GALNT13: variants seen among roughly 807,000 people sequenced by gnomAD.
GALNT13 encodes the protein UDP-GalNAc:polypeptide N-acetylgalactosaminyltransferase 13.
In GALNT13, 28 loss-of-function variants were observed where a neutral mutation model predicts 64.2. That is an observed-to-expected ratio of 0.44 (90% CI 0.32 to 0.60). GALNT13 has a LOEUF of 0.60. Among genes scored for constraint, GALNT13 ranks in the 20% least tolerant of loss-of-function variants. The pLI is 0.05. For missense variants in GALNT13, 577 were observed against 669.8 expected (o/e 0.86, Z 1.53); for synonymous variants, 214 against 224.6 (o/e 0.95, Z 0.42).
the GALNT13 span, among the ~76,000 whole-genome samples, chr2:153,343,675 G>A: frequency 6.6e-6 from 1 of 151,946 alleles, no homozygotes; most frequent in East Asian, 1.9e-4. Flanking sequence ...CATTTCCTCT[G>A]GGGAGCCTTC....
chr2:153,919,579 T>C (rs1411270816), intron 2 of GALNT13, among the ~76,000 whole-genome samples: 3 of 151,974 alleles, frequency 2.0e-5, no homozygotes, highest in African/African-American at 7.2e-5. Flanking sequence ...GCAAGGTGTC[T>C]CAAGCACCTA....
At chr2:154,177,284 A>G (rs1171893863) in intron 4 of GALNT13, among the ~76,000 whole-genome samples, 1 of 151,232 alleles carries the variant, frequency 6.6e-6, no homozygotes, top group Non-Finnish European at 1.5e-5. Flanking sequence ...ATATTGCTAA[A>G]TTAAAGAAGA....
At chr2:154,276,047 A>G (rs1852603) in intron 8 of GALNT13, among the ~76,000 whole-genome samples, 151,499 of 152,238 alleles carry the variant, frequency 1, 75,384 homozygotes, top group Middle Eastern at 1. Flanking sequence ...TGGAATGGGT[A>G]TATTTACCCA....
At chr2:154,287,170 A>T in intron 8 of GALNT13, 1 of 1,479,652 alleles carries the variant, frequency 6.8e-7, no homozygotes, top group Non-Finnish European at 9.3e-7. Flanking sequence ...AAGCCAAACA[A>T]TTGGCTCAGC....
chr2:153,629,093 G>T, the GALNT13 span, among the ~76,000 whole-genome samples: 1 of 152,178 alleles, frequency 6.6e-6, no homozygotes, highest in South Asian at 2.1e-4. Flanking sequence ...ATGTGTCGAG[G>T]AATTTATCCA....
the GALNT13 span, among the ~76,000 whole-genome samples, chr2:153,330,014 C>G: frequency 6.6e-6 from 1 of 152,208 alleles, no homozygotes; most frequent in Admixed American, 6.5e-5. Flanking sequence ...GCTATCCCAG[C>G]ACCATTTATT....
At chr2:153,803,293 GC>G in the GALNT13 span, among the ~76,000 whole-genome samples, 1 of 152,090 alleles carries the variant, frequency 6.6e-6, no homozygotes, top group Admixed American at 6.6e-5. Context: ...TGAAGCCCTA[GC>G]CCCCAATATA....
chr2:154,038,643 C>T (rs1339806304), intron 3 of GALNT13, among the ~76,000 whole-genome samples: 1 of 151,946 alleles, frequency 6.6e-6, no homozygotes, highest in East Asian at 1.9e-4. Flanking sequence ...AATGTAAGGC[C>T]TGAAAATATA....
At chr2:153,867,723 G>T (rs1034869576), upstream of GALNT13, among the ~76,000 whole-genome samples, 1 of 151,750 alleles carries the variant, frequency 6.6e-6, no homozygotes, top group African/African-American at 2.4e-5. Flanking sequence ...TCCCATCTGG[G>T]GGTGATGGGA....
chr2:153,496,479 G>GA, the GALNT13 span, among the ~76,000 whole-genome samples: 1 of 152,036 alleles, frequency 6.6e-6, no homozygotes, highest in East Asian at 1.9e-4. Context: ...TTACAAAAAG[G>GA]AAAAATCAAA....
chr2:153,719,651 A>G, the GALNT13 span, among the ~76,000 whole-genome samples: 1 of 152,172 alleles, frequency 6.6e-6, no homozygotes, highest in Admixed American at 6.5e-5. Context: ...TCACCTGGGA[A>G]GTGCAAGGGG....
At chr2:154,378,937 T>C (rs1698130969) in intron 9 of GALNT13, among the ~76,000 whole-genome samples, 1 of 152,124 alleles carries the variant, frequency 6.6e-6, no homozygotes, top group African/African-American at 2.4e-5. Flanking sequence ...CTCTTCTCTC[T>C]TCATTTAAAA....
intron 4 of GALNT13, among the ~76,000 whole-genome samples, chr2:154,227,585 G>GT (rs780861406): frequency 4.0e-5 from 6 of 149,232 alleles, no homozygotes; most frequent in Non-Finnish European, 7.4e-5. Context: ...GCGGTGTTTG[G>GT]TTTTTTGTCC....
At chr2:154,253,488 T>C (rs1690200061) in intron 7 of GALNT13, among the ~76,000 whole-genome samples, 1 of 152,204 alleles carries the variant, frequency 6.6e-6, no homozygotes, top group South Asian at 2.1e-4. Context: ...CAAAGCTTCA[T>C]ATCTTAAATT....
chr2:153,867,299 G>A (rs938043781), upstream of GALNT13, among the ~76,000 whole-genome samples: 8 of 152,002 alleles, frequency 5.3e-5, no homozygotes, highest in East Asian at 3.9e-4. Flanking sequence ...ATCTAATTAC[G>A]GGCCCTAGCA....
the GALNT13 span, among the ~76,000 whole-genome samples, chr2:153,214,474 C>G: frequency 1.3e-5 from 2 of 151,948 alleles, no homozygotes; most frequent in African/African-American, 4.8e-5. Flanking sequence ...TACCCACTCT[C>G]TATAAAATCA....
chr2:154,434,513 C>G (rs548950947), intron 11 of GALNT13, among the ~76,000 whole-genome samples: 1 of 152,226 alleles, frequency 6.6e-6, no homozygotes, highest in Non-Finnish European at 1.5e-5. Context: ...TGCGCCTGGG[C>G]CTCCCAAACT....
chr2:154,240,801 C>G (rs1157167493), intron 4 of GALNT13, among the ~76,000 whole-genome samples: 1 of 152,122 alleles, frequency 6.6e-6, no homozygotes, highest in African/African-American at 2.4e-5. Context: ...CTTGGTGTAC[C>G]GGAAGAGTCA....
intron 3 of GALNT13, among the ~76,000 whole-genome samples, chr2:154,038,097 C>T (rs1698768774): frequency 6.6e-6 from 1 of 151,954 alleles, no homozygotes; most frequent in Non-Finnish European, 1.5e-5. Flanking sequence ...CATATTTGTG[C>T]CACCTCACTA....
Sources: allele counts gnomAD v4.1 joint callset (sites outside exome capture counted in the v4.1 genomes callset), GRCh38; gene constraint gnomAD v4.1.1; transcripts MANE v1.5; gene names NCBI Gene and HGNC (gene_info 2026-07-23, HGNC 2026-07-21).